Variants in ZMIZ1 observed in about 807,000 individuals in gnomAD.
ZMIZ1 encodes the protein zinc finger MIZ domain-containing protein 1.
In ZMIZ1, 17 loss-of-function variants were observed where a neutral mutation model predicts 113.9. The ratio of observed to expected loss-of-function variants is 0.15; its 90% CI spans 0.10 to 0.22. The LOEUF is 0.22. Among genes scored for constraint, ZMIZ1 ranks in the 10% least tolerant of loss-of-function variants. ZMIZ1 has a pLI of 1.00. For synonymous variants in ZMIZ1, 607 were observed against 603.1 expected (o/e 1.01, Z -0.09); for missense variants, 1,059 against 1,477.8 (o/e 0.72, Z 4.65).
At position 79,159,511 on chromosome 10, in the gene ZMIZ1, GA is replaced by G. The variant is rs1846024800; in HGVS notation, c.-130-2541del. 1.1e-4 allele frequency among the ~76,000 whole-genome samples: 17 copies of G among 152,346 alleles called. No homozygotes were observed. In the South Asian group the frequency reaches 3.5e-3, roughly 32 times the overall value. ...GCATAGCGGGCAGACTGTGAGTGGG[GA>G]TGGGCTGCTTACTCACATCCCGGCT... On this transcript the variant is annotated intron_variant, in intron 3 of 24. Transcript: ENST00000334512.
chr10:79,209,011 T>C (rs781409001), intron 6 of ZMIZ1, among the ~76,000 whole-genome samples: 20 of 151,824 alleles, frequency 1.3e-4, no homozygotes, highest in Non-Finnish European at 2.1e-4. Context: ...GGCAGATGTG[T>C]AAAGAAGTGA....
At chr10:79,071,529 G>T (rs1298465241) in intron 1 of ZMIZ1, among the ~76,000 whole-genome samples, 1 of 152,198 alleles carries the variant, frequency 6.6e-6, no homozygotes, top group African/African-American at 2.4e-5. Context: ...AGCTATCGGG[G>T]AAGTTGAGAT....
At chr10:79,175,030 G>A (rs1349615367) in intron 4 of ZMIZ1, among the ~76,000 whole-genome samples, 1 of 152,244 alleles carries the variant, frequency 6.6e-6, no homozygotes, top group Non-Finnish European at 1.5e-5. Context: ...CTAGGAAAGA[G>A]AAGAGCCAAT....
chr10:79,072,066 A>G lies in ZMIZ1; in HGVS notation c.-337+2796A>G, dbSNP rs952210573. ...TAGGGCTTACTGAGAAGAGTTGGGA[A>G]TAAGAAATTGCTGGACTTATGAATA... On this transcript the variant is annotated intron_variant, in intron 1 of 24. Coordinates refer to ENST00000334512, the MANE Select transcript of ZMIZ1 (RefSeq NM_020338.4). Among the ~76,000 whole-genome samples the G allele has an allele frequency of 2.6e-4, 40 of 152,122 alleles. 1 individual carries two copies. Among genetic ancestry groups the G allele is most frequent in the Non-Finnish European group, 5.3e-4 (36 of 68,022 alleles).
chr10:79,221,485 TG>T (rs1276768364), intron 7 of ZMIZ1, among the ~76,000 whole-genome samples: 1 of 152,208 alleles, frequency 6.6e-6, no homozygotes, highest in Non-Finnish European at 1.5e-5. Context: ...GAAGGTCACC[TG>T]CCTGGCCCGG....
chr10:79,141,896 G>C (rs1175134807), intron 3 of ZMIZ1, among the ~76,000 whole-genome samples: 1 of 152,242 alleles, frequency 6.6e-6, no homozygotes. Context: ...GTGGAGCAGA[G>C]AGATAGCTGG....
rs563944192 is a variant in ZMIZ1, at chr10:79,144,028, A to G, written c.-131+4251A>G. 7.9e-5 allele frequency among the ~76,000 whole-genome samples: 12 copies of G among 152,318 alleles called. No individual in the cohort carries two copies. The East Asian group carries it at 2.1e-3, about 27-fold the overall frequency. On this transcript the variant is annotated intron_variant, in intron 3 of 24. Coordinates refer to ENST00000334512, the MANE Select transcript of ZMIZ1 (RefSeq NM_020338.4). The stretch of plus-strand genomic sequence containing the variant: ...CATCGGGGACTAGGGCAGCAGCAGC[A>G]GCTGCTCTGATGATGCATGGCTCCG...
At chr10:79,144,797 G>A (rs181273958) in intron 3 of ZMIZ1, among the ~76,000 whole-genome samples, 25 of 152,206 alleles carry the variant, frequency 1.6e-4, no homozygotes, top group Non-Finnish European at 2.5e-4. Flanking sequence ...TGTTTTTACC[G>A]CAGTAATTCC....
At chr10:79,158,815 G>A (rs779932) in intron 3 of ZMIZ1, among the ~76,000 whole-genome samples, 120,504 of 152,198 alleles carry the variant, frequency 0.79, 48,061 homozygotes, top group African/African-American at 0.85. Flanking sequence ...CATCTGCCTT[G>A]TCTGAGACTC....
At chr10:79,204,360 T>A (rs1007468821) in intron 5 of ZMIZ1, among the ~76,000 whole-genome samples, 2 of 152,190 alleles carry the variant, frequency 1.3e-5, no homozygotes, top group African/African-American at 4.8e-5. Context: ...GAACCAGTGC[T>A]CCCTCTCTGC....
rs1849295085 is a variant in ZMIZ1 at position 79,229,015 on chromosome 10, C to T, written c.280+12741C>T. On this transcript the variant is annotated intron_variant, in intron 7 of 24. Coordinates refer to ENST00000334512, the MANE Select transcript of ZMIZ1 (RefSeq NM_020338.4). Reference sequence around the variant, plus strand: ...TTGAAGTCCTGCTTTACAGTCCAGGCTCTGAGACCTACTTGCTATGTGACT... The same window carrying T: ...TTGAAGTCCTGCTTTACAGTCCAGGTTCTGAGACCTACTTGCTATGTGACT... 2.0e-5 allele frequency among the ~76,000 whole-genome samples: 3 copies of T among 152,338 alleles called. No homozygotes were observed. The South Asian group carries it at 6.2e-4, about 32-fold the overall frequency.
At chr10:79,172,021 A>C (rs1228561129) in intron 4 of ZMIZ1, among the ~76,000 whole-genome samples, 3 of 152,176 alleles carry the variant, frequency 2.0e-5, no homozygotes, top group African/African-American at 7.2e-5. Context: ...AGGGTACATC[A>C]CATACACTCA....
intron 1 of ZMIZ1, among the ~76,000 whole-genome samples, chr10:79,093,707 G>T (rs1052588741): frequency 6.6e-6 from 1 of 152,134 alleles, no homozygotes; most frequent in South Asian, 2.1e-4. Context: ...TTTTAGGCAG[G>T]ATTTGAATGC....
rs558542577 is a variant in ZMIZ1 at position 79,261,931 on chromosome 10, C to T, written c.281-15250C>T. Among the ~76,000 whole-genome samples the T allele has an allele frequency of 1.6e-4, 24 of 152,316 alleles. No individual in the cohort carries two copies. In the South Asian group the frequency reaches 2.3e-3, roughly 14 times the overall value. ...TAAAGCCAGGGCTCCATGTGCCTGA[C>T]ACCCTTGTAAGAGTCCTTTCTCCTG... On this transcript the variant is annotated intron_variant, in intron 7 of 24. Coordinates refer to ENST00000334512, the MANE Select transcript of ZMIZ1 (RefSeq NM_020338.4).
chr10:79,226,430 C>A (rs978512410), intron 7 of ZMIZ1, among the ~76,000 whole-genome samples: 1 of 152,216 alleles, frequency 6.6e-6, no homozygotes, highest in Non-Finnish European at 1.5e-5. Flanking sequence ...TCCACAGGTG[C>A]ACCCAGGACA....
intron 2 of ZMIZ1, among the ~76,000 whole-genome samples, chr10:79,127,200 C>T (rs1328984967): frequency 6.6e-6 from 1 of 152,190 alleles, no homozygotes; most frequent in Non-Finnish European, 1.5e-5. Context: ...CAGTGCCAGG[C>T]ATGCTGCCGG....
intron 7 of ZMIZ1, among the ~76,000 whole-genome samples, chr10:79,224,920 G>A (rs1306825824): frequency 2.6e-5 from 4 of 152,230 alleles, no homozygotes; most frequent in South Asian, 2.1e-4. Context: ...TAGGAAGCAC[G>A]TAACCTGCTG....
chr10:79,181,009 G>T (rs914438116), intron 4 of ZMIZ1, among the ~76,000 whole-genome samples: 1 of 152,242 alleles, frequency 6.6e-6, no homozygotes, highest in Non-Finnish European at 1.5e-5. Context: ...TGAGTGAAGG[G>T]AAGTGACTCA....
chr10:79,163,616 G>GCC (rs1564691061), intron 4 of ZMIZ1, among the ~76,000 whole-genome samples: 4 of 152,242 alleles, frequency 2.6e-5, no homozygotes, highest in Non-Finnish European at 5.9e-5. Flanking sequence ...AACCCACAGA[G>GCC]CCATCAGTGC....
Sources: allele counts gnomAD v4.1 joint callset (sites outside exome capture counted in the v4.1 genomes callset), GRCh38; gene constraint gnomAD v4.1.1; transcripts MANE v1.5; gene names NCBI Gene and HGNC (gene_info 2026-07-23, HGNC 2026-07-21).